DACH1: variants seen among roughly 807,000 people sequenced by gnomAD.
DACH1 encodes the protein dachshund homolog 1.
DACH1 carries 12 observed loss-of-function variants against 54.2 expected under a neutral mutation model. The ratio of observed to expected loss-of-function variants is 0.22; its 90% confidence interval spans 0.14 to 0.36. The LOEUF (loss-of-function observed/expected upper bound fraction) is 0.36, where lower values mean the gene tolerates loss of function less well. DACH1 is among the 10% of genes least tolerant of loss of function. DACH1 has a pLI of 1.00. For missense variants in DACH1, 805 were observed against 929.8 expected (o/e 0.87, Z 1.75); for synonymous variants, 386 against 366.2 (o/e 1.05, Z -0.62).
In DACH1 at chr13:71,558,843, G is replaced by C. The variant is rs529522243; in HGVS notation, c.1435+977C>G. Among the ~76,000 whole-genome samples, 15 of 152,034 alleles carry C rather than the reference G, an allele frequency of 9.9e-5. No individual in the cohort carries two copies. In the East Asian group the frequency reaches 2.3e-3, roughly 24 times the overall value. On this transcript the variant is annotated intron_variant, in intron 5 of 10. Transcript: ENST00000613252. The stretch of plus-strand genomic sequence containing the variant: ...AAATTATCCACTTCAATAGCTCCCA[G>C]ATCAACAATTTTCACTTTATGCATA...
chr13:71,538,214 AT>A, intron 6 of DACH1, among the ~76,000 whole-genome samples: 1 of 152,204 alleles, frequency 6.6e-6, no homozygotes, highest in East Asian at 1.9e-4. Flanking sequence ...AAGGTTAAAA[AT>A]CTAATTACTT....
At chr13:71,684,103 C>T (rs1170264212) in intron 1 of DACH1, among the ~76,000 whole-genome samples, 1 of 152,030 alleles carries the variant, frequency 6.6e-6, no homozygotes, top group East Asian at 1.9e-4. Context: ...ATTTTCTCTT[C>T]TATATCCCCA....
chr13:71,717,504 TCACACACACACACACACACA>T (rs3221998), intron 1 of DACH1, among the ~76,000 whole-genome samples: 1 of 142,816 alleles, frequency 7.0e-6, no homozygotes, highest in East Asian at 2.1e-4. Context: ...GTGTGTGTAA[TCACACACACACACACACACA>T]CACACACACA....
In DACH1 at chr13:71,831,279, G is replaced by T. The variant is rs541243828; in HGVS notation, c.848+34643C>A. ...AAATATTTCGAATATGGAATTGTTA[G>T]TTTTTCTCATGTTAAAATGCCCCAT... On this transcript the variant is annotated intron_variant, in intron 1 of 10. Transcript: ENST00000613252. 3.3e-5 allele frequency among the ~76,000 whole-genome samples: 5 copies of T among 151,538 alleles called. No homozygotes were observed. In the South Asian group the frequency reaches 1.0e-3, roughly 32 times the overall value.
In DACH1 at chr13:71,835,287, C is replaced by T. The variant is rs181932622; in HGVS notation, c.848+30635G>A. On this transcript the variant is annotated intron_variant, in intron 1 of 10. Transcript: ENST00000613252. ...TTGTTTACTGAGATGTATACAAATA[C>T]AAGAAACAGAGCAAAAGGACTGGAA... 3.3e-5 allele frequency among the ~76,000 whole-genome samples: 5 copies of T among 151,986 alleles called. No individual in the cohort carries two copies. In the East Asian group the frequency reaches 5.8e-4, roughly 18 times the overall value.
chr13:71,610,195 C>CACG (rs371089238), intron 3 of DACH1, among the ~76,000 whole-genome samples: 1 of 151,890 alleles, frequency 6.6e-6, no homozygotes, highest in African/African-American at 2.4e-5. Flanking sequence ...TTCTATGAAC[C>CACG]ACTAAATAGA....
Position 71,578,642 on chromosome 13 carries a change from A to G in DACH1, c.1127-5630T>C, listed in dbSNP as rs1537126. On this transcript the variant is annotated intron_variant, in intron 3 of 10. Transcript: ENST00000613252. ...GATATAAAAACACTGAAATCTCCTG[A>G]TGCTTTGGTTTGACTTTATCACACT... Among the ~76,000 whole-genome samples the G allele has an allele frequency of 6.1e-3, 928 of 152,228 alleles. 14 individuals carry two copies. Among genetic ancestry groups the G allele is most frequent in the African/African-American group, 0.021 (859 of 41,538 alleles).
At chr13:71,791,989 T>A (rs1481915355) in intron 1 of DACH1, among the ~76,000 whole-genome samples, 1 of 152,130 alleles carries the variant, frequency 6.6e-6, no homozygotes, top group Non-Finnish European at 1.5e-5. Context: ...GGAGGGACAC[T>A]CTAACTGTAT....
intron 1 of DACH1, among the ~76,000 whole-genome samples, chr13:71,818,331 G>A (rs1036108260): frequency 4.6e-5 from 7 of 152,210 alleles, no homozygotes; most frequent in East Asian, 3.9e-4. Context: ...TCACTCTGAA[G>A]AGGTAAGAGG....
intron 1 of DACH1, among the ~76,000 whole-genome samples, chr13:71,815,114 T>C (rs756460624): frequency 8.5e-5 from 13 of 152,220 alleles, no homozygotes; most frequent in Non-Finnish European, 1.6e-4. Flanking sequence ...ATTAACTGTA[T>C]ACCAGATGCT....
intron 2 of DACH1, among the ~76,000 whole-genome samples, chr13:71,663,818 A>T (rs914653846): frequency 6.6e-6 from 1 of 151,904 alleles, no homozygotes; most frequent in African/African-American, 2.4e-5. Context: ...ACGATAGTTG[A>T]TATAATTCAC....
In DACH1 at chr13:71,865,911, C is replaced by G. The variant is rs777226941; in HGVS notation, c.848+11G>C. On this transcript the variant is annotated intron_variant, in intron 1 of 10. Transcript: ENST00000613252. Reference sequence around the variant, plus strand: ...GGGCGCGGGCGGCGGGGGCTATCCCCCCCGACTCACCTTGCGTTGGTGCAG... The same window carrying G: ...GGGCGCGGGCGGCGGGGGCTATCCCGCCCGACTCACCTTGCGTTGGTGCAG... 1.6e-5 allele frequency: 25 copies of G among 1,593,614 alleles called. No homozygotes were observed. Among genetic ancestry groups the G allele is most frequent in the Non-Finnish European group, 1.9e-5 (22 of 1,169,540 alleles).
At chr13:71,813,525 C>T (rs1355607022) in intron 1 of DACH1, among the ~76,000 whole-genome samples, 2 of 152,140 alleles carry the variant, frequency 1.3e-5, no homozygotes, top group African/African-American at 2.4e-5. Flanking sequence ...GGTTGCCTTT[C>T]TTCATTCTGA....
At chr13:71,738,338 A>G (rs1884228654) in intron 1 of DACH1, among the ~76,000 whole-genome samples, 1 of 152,204 alleles carries the variant, frequency 6.6e-6, no homozygotes, top group Non-Finnish European at 1.5e-5. Context: ...TACTCGATAA[A>G]CAATTCCATG....
In DACH1 at chr13:71,696,796, C is replaced by G. The variant is rs140585544; in HGVS notation, c.849-14886G>C. Among the ~76,000 whole-genome samples, 1,152 of 152,290 alleles carry G rather than the reference C, an allele frequency of 7.6e-3. 16 individuals are homozygous for G. Among genetic ancestry groups the G allele is most frequent in the African/African-American group, 0.026 (1,090 of 41,556 alleles). On this transcript the variant is annotated intron_variant, in intron 1 of 10. Coordinates refer to ENST00000613252, the MANE Select transcript of DACH1 (RefSeq NM_080759.6). ...TCCTAACCACAGGTGATCCGCCCAC[C>G]TCAGCCTCTCAAATGCTGGGATTAC...
chr13:71,479,872 C>T (rs1257799417), intron 7 of DACH1, among the ~76,000 whole-genome samples: 1 of 152,094 alleles, frequency 6.6e-6, no homozygotes, highest in Non-Finnish European at 1.5e-5. Flanking sequence ...AATGCTTTTC[C>T]TCCAGATCTT....
chr13:71,692,924 A>C (rs1881600734), intron 1 of DACH1, among the ~76,000 whole-genome samples: 1 of 152,114 alleles, frequency 6.6e-6, no homozygotes, highest in South Asian at 2.1e-4. Context: ...ACAAAATCTG[A>C]ATCTAATCAA....
At chr13:71,674,815 A>T (rs1266458142) in intron 2 of DACH1, among the ~76,000 whole-genome samples, 8 of 152,162 alleles carry the variant, frequency 5.3e-5, no homozygotes, top group Admixed American at 3.9e-4. Flanking sequence ...ATACCCTTTA[A>T]TTTTTCTCTT....
At chr13:71,489,427 T>C (rs1878807431) in intron 6 of DACH1, among the ~76,000 whole-genome samples, 1 of 152,162 alleles carries the variant, frequency 6.6e-6, no homozygotes, top group African/African-American at 2.4e-5. Flanking sequence ...TTATCTCATA[T>C]ATAGTTGTGA....
Sources: allele counts gnomAD v4.1 joint callset (sites outside exome capture counted in the v4.1 genomes callset), GRCh38; gene constraint gnomAD v4.1.1; transcripts MANE v1.5; gene names NCBI Gene and HGNC (gene_info 2026-07-23, HGNC 2026-07-21).